KANSL1L: variants seen among roughly 807,000 people sequenced by gnomAD.
The protein encoded by KANSL1L is KAT8 regulatory NSL complex subunit 1-like protein.
Under a neutral mutation model 108.6 loss-of-function variants are expected in KANSL1L, and 25 were observed. The observed-to-expected ratio is 0.23, with a 90% CI of 0.17 to 0.32. KANSL1L has a LOEUF of 0.32. Ranked by LOEUF, KANSL1L falls within the 10% of genes least tolerant of loss-of-function variation. The pLI, the probability that KANSL1L is intolerant of heterozygous loss-of-function variation, is 1.00. For synonymous variants in KANSL1L, 405 were observed against 395.1 expected (o/e 1.03, Z -0.30); for missense variants, 1,137 against 1,125.7 (o/e 1.01, Z -0.14).
chr2:210,066,882 T>C (rs1408552103), intron 6 of KANSL1L, among the ~76,000 whole-genome samples: 1 of 152,216 alleles, frequency 6.6e-6, no homozygotes, highest in Non-Finnish European at 1.5e-5. Context: ...ACTAGGTGAA[T>C]GGATGCCCAG....
chr2:210,105,977 C>T (rs544278065), intron 3 of KANSL1L, among the ~76,000 whole-genome samples: 1 of 152,194 alleles, frequency 6.6e-6, no homozygotes, highest in East Asian at 1.9e-4. Context: ...AAAATTTCTA[C>T]AAGTCTACAC....
chr2:210,033,005 G>A (rs963825964), intron 8 of KANSL1L: 1 of 152,238 alleles, frequency 6.6e-6, no homozygotes, highest in South Asian at 2.1e-4. Flanking sequence ...CTAAGAAACA[G>A]AATGGACACA....
intron 6 of KANSL1L, among the ~76,000 whole-genome samples, chr2:210,067,018 C>CA (rs1260575868): frequency 6.6e-6 from 1 of 152,140 alleles, no homozygotes; most frequent in Non-Finnish European, 1.5e-5. Context: ...ACGAATAAAA[C>CA]AAAAAGGCAG....
chr2:210,128,893 A>G, intron 3 of KANSL1L, 138 bp downstream of exon 3: 1 of 614,498 alleles, frequency 1.6e-6, no homozygotes, highest in South Asian at 3.0e-5. Context: ...TTCAATTTAT[A>G]ATAATATATC....
intron 1 of KANSL1L, among the ~76,000 whole-genome samples, chr2:210,162,036 G>A (rs935676910): frequency 3.4e-5 from 5 of 149,128 alleles, no homozygotes; most frequent in African/African-American, 9.9e-5. Flanking sequence ...ACCAGCCTGC[G>A]TAATATGGTG....
rs71043976 is a variant in KANSL1L, at chr2:210,162,222, G to GTATA, written c.-29-7615_-29-7612dup. ...ATTACCCCCAAATTTAGTGGTTCAG[G>GTATA]TATATATATATATATATATATGTAT... is the stretch of plus-strand genomic sequence containing the variant. On this transcript the variant is annotated intron_variant, in intron 1 of 14. Coordinates refer to ENST00000281772, the MANE Select transcript of KANSL1L (RefSeq NM_152519.4). Among the ~76,000 whole-genome samples, 674 of 107,402 alleles carry GTATA rather than the reference G, an allele frequency of 6.3e-3. 18 individuals carry two copies. Among genetic ancestry groups the GTATA allele is most frequent in the African/African-American group, 9.9e-3 (280 of 28,344 alleles). The allele number at this position is 107,402 out of a possible 152,430, so 70.5% of individuals were successfully genotyped here.
At chr2:210,076,990 G>T (rs991921128) in intron 5 of KANSL1L, among the ~76,000 whole-genome samples, 28 of 152,072 alleles carry the variant, frequency 1.8e-4, no homozygotes, top group Middle Eastern at 6.8e-3. Flanking sequence ...ATAAAATATG[G>T]TTTTTCTATA....
intron 2 of KANSL1L, among the ~76,000 whole-genome samples, chr2:210,134,536 G>C (rs2095156556): frequency 6.6e-6 from 1 of 152,170 alleles, no homozygotes; most frequent in Admixed American, 6.6e-5. Flanking sequence ...GATGAATTCT[G>C]TTCTGACAGG....
At chr2:210,170,348 CA>C (rs1043619218) in intron 1 of KANSL1L, 5 of 984,934 alleles carry the variant, frequency 5.1e-6, no homozygotes, top group Non-Finnish European at 6.0e-6. Flanking sequence ...ACAGTTCAAA[CA>C]AAAAAACAAA....
intron 3 of KANSL1L, among the ~76,000 whole-genome samples, chr2:210,122,044 C>G (rs1041972052): frequency 2.0e-5 from 3 of 151,992 alleles, no homozygotes; most frequent in South Asian, 4.1e-4. Context: ...AGGATACACA[C>G]AAAAAGGAGA....
At chr2:210,104,422 C>CTATCAAG in intron 3 of KANSL1L, 121 bp from the exon 4 acceptor site, 1 of 698,534 alleles carries the variant, frequency 1.4e-6, no homozygotes, top group Non-Finnish European at 2.4e-6. Context: ...AAAATATAAA[C>CTATCAAG]TTGATAGTTT....
At chr2:210,171,442 T>A (rs1688334202), upstream of KANSL1L, 1 of 156,194 alleles carries the variant, frequency 6.4e-6, no homozygotes, top group African/African-American at 2.4e-5. Flanking sequence ...CGCTAGCCAA[T>A]GGCAACGGGG....
intron 2 of KANSL1L, among the ~76,000 whole-genome samples, chr2:210,144,887 C>T (rs1256739885): frequency 1.3e-5 from 2 of 152,136 alleles, no homozygotes; most frequent in East Asian, 1.9e-4. Context: ...TGGCTTTTCA[C>T]GTTGCTTGTT....
chr2:210,121,579 GAAC>G (rs1559576392), intron 3 of KANSL1L, among the ~76,000 whole-genome samples: 1 of 151,984 alleles, frequency 6.6e-6, no homozygotes, highest in Non-Finnish European at 1.5e-5. Context: ...GAAATAATCT[GAAC>G]AACAAACCCC....
At chr2:210,066,536 G>A (rs2094468539) in intron 6 of KANSL1L, among the ~76,000 whole-genome samples, 1 of 152,150 alleles carries the variant, frequency 6.6e-6, no homozygotes, top group Non-Finnish European at 1.5e-5. Flanking sequence ...CCACCACCAA[G>A]GGTATGACAC....
chr2:210,106,275 T>C (rs1246185939), intron 3 of KANSL1L, among the ~76,000 whole-genome samples: 4 of 152,124 alleles, frequency 2.6e-5, no homozygotes, highest in African/African-American at 9.7e-5. Flanking sequence ...CAGTTTATAG[T>C]ATGGGCCAGT....
At position 210,154,192 on chromosome 2, in the gene KANSL1L, C is replaced by T. The variant is rs372360689; in HGVS notation, c.391G>A (p.Glu131Lys). The change falls in exon 2 of 15, where the codon GAG becomes AAG. Residue 131 changes from glutamate (E) to lysine (K), a missense_variant. By Grantham distance (56) the Glu-to-Lys change is moderately conservative (BLOSUM62 1). Around this residue, in one of 3 missense-constraint regions of KANSL1L, gnomAD observed 556 missense variants for 537.7 expected, o/e 1.03. Transcript: ENST00000281772. ...GATAGAGGCTCCTTTTTGATGAACT[C>T]TTCAGAATGAGAAAGACAGATTTTA... Reference protein sequence around the residue: ...LSKICLSHSEEFIKKEPLSDT... With the variant: ...LSKICLSHSEKFIKKEPLSDT... 6.2e-7 allele frequency: 1 copy of T among 1,613,996 alleles called. No homozygotes were observed. The highest frequency in any genetic ancestry group is 8.5e-7 in the Non-Finnish European group (1 of 1,179,944).
At chr2:210,036,728 CTTAA>C (rs1319911922) in intron 8 of KANSL1L, among the ~76,000 whole-genome samples, 5 of 152,120 alleles carry the variant, frequency 3.3e-5, no homozygotes, top group African/African-American at 9.7e-5. Context: ...ATGCATTCCC[CTTAA>C]TTGTGTGCCT....
upstream of KANSL1L, chr2:210,171,531 T>G (rs1398059655): frequency 6.6e-6 from 1 of 151,982 alleles, no homozygotes; most frequent in East Asian, 1.9e-4. Flanking sequence ...CGGCTCGGAG[T>G]GTTCTGGAAG....
Sources: allele counts gnomAD v4.1 joint callset (sites outside exome capture counted in the v4.1 genomes callset), GRCh38; gene constraint gnomAD v4.1.1; regional missense constraint gnomAD v4.1.1; transcripts MANE v1.5; gene names NCBI Gene and HGNC (gene_info 2026-07-23, HGNC 2026-07-21).